The following ARMC9 variants were observed in gnomAD, a reference collection of about 807,000 sequenced individuals.
The protein encoded by ARMC9 is armadillo repeat containing 9.
Under a neutral mutation model 107.0 loss-of-function variants are expected in ARMC9, and 94 were observed. The ratio of observed to expected loss-of-function variants is 0.88; its 90% CI spans 0.74 to 1.04. The LOEUF (loss-of-function observed/expected upper bound fraction) is 1.04, where lower values mean the gene tolerates loss of function less well. ARMC9 is among the 50% of genes least tolerant of loss of function. The pLI, the probability that ARMC9 is intolerant of heterozygous loss-of-function variation, is 0.00. For synonymous variants in ARMC9, 380 were observed against 396.9 expected (o/e 0.96, Z 0.51); for missense variants, 942 against 1,030.1 (o/e 0.91, Z 1.17).
intron 21 of ARMC9, among the ~76,000 whole-genome samples, chr2:231,354,015 A>ACC (rs1430191415): frequency 6.8e-5 from 10 of 147,338 alleles, no homozygotes; most frequent in Non-Finnish European, 8.9e-5. Context: ...ACACACACAC[A>ACC]CCATATATAG....
intron 21 of ARMC9, 168 bp downstream of exon 21, chr2:231,345,258 C>A: frequency 1.6e-6 from 2 of 1,288,606 alleles, no homozygotes; most frequent in South Asian, 1.6e-5. Context: ...GTCCTTCTCC[C>A]TTCCCCCAGG....
chr2:231,372,476 C>A lies in ARMC9; in HGVS notation c.*941C>A, dbSNP rs1445214848. ...AAAGGCCACCAGTGTGACCAGGGAG[C>A]ACCCTCTGCCTCCCTCCCTGCACTG... On this transcript the variant is annotated 3_prime_UTR_variant, in exon 25 of 25. Transcript: ENST00000611582. 2 of 152,250 alleles carry A rather than the reference C, an allele frequency of 1.3e-5. No homozygotes were observed. Among genetic ancestry groups the A allele is most frequent in the African/African-American group, 4.8e-5 (2 of 41,426 alleles). The allele number at this position is 152,250 out of a possible 1,614,324, so 9.4% of individuals were successfully genotyped here.
intron 21 of ARMC9, among the ~76,000 whole-genome samples, chr2:231,351,188 C>T (rs2045062017): frequency 6.7e-6 from 1 of 148,932 alleles, no homozygotes; most frequent in South Asian, 2.2e-4. Context: ...CTCCTGACCT[C>T]GTGATCCGCC....
At chr2:231,329,247 A>G (rs781757396) in intron 19 of ARMC9, among the ~76,000 whole-genome samples, 4 of 152,178 alleles carry the variant, frequency 2.6e-5, no homozygotes, top group Admixed American at 6.5e-5. Flanking sequence ...GGGGAGAACT[A>G]TGTTGAGTCT....
In ARMC9 at chr2:231,281,937, C is replaced by G. The variant is rs370674445; in HGVS notation, c.1552-122C>G. ...ACATACATCCTGGAGCACAGGAGAGCTGCGAGGACGGGAACACCCACTCTC... is the reference window on the plus strand; with the variant it reads ...ACATACATCCTGGAGCACAGGAGAGGTGCGAGGACGGGAACACCCACTCTC... On this transcript the variant is annotated intron_variant, in intron 16 of 24. Transcript: ENST00000611582. The G allele has an allele frequency of 1.1e-5, 9 of 855,176 alleles. No individual in the cohort carries two copies. In the East Asian group the frequency reaches 1.5e-4, roughly 14 times the overall value. 53.0% of individuals were successfully genotyped at this position (855,176 alleles called of 1,614,324 possible). A position where few individuals can be genotyped will look rare whatever the true frequency, so the allele number is the denominator to read the frequency against.
intron 17 of ARMC9, among the ~76,000 whole-genome samples, chr2:231,287,539 T>G (rs2040684228): frequency 6.6e-6 from 1 of 152,124 alleles, no homozygotes; most frequent in Non-Finnish European, 1.5e-5. Context: ...GGCTTTGCTT[T>G]GCTTTGCTTT....
chr2:231,369,874 G>A lies in ARMC9; in HGVS notation c.2262-79G>A, dbSNP rs566563204. On this transcript the variant is annotated intron_variant, in intron 23 of 24. Coordinates refer to ENST00000611582, the MANE Select transcript of ARMC9 (RefSeq NM_001352754.2). ...CTCTCAGAGTGCTGGGATTATAGGC[G>A]GGAGCCACCACACCCGGCCCCTCCT... is the stretch of plus-strand genomic sequence containing the variant. 3.3e-5 allele frequency: 44 copies of A among 1,327,548 alleles called. No homozygotes were observed. The South Asian group carries it at 6.1e-4, about 18-fold the overall frequency. 82.2% of individuals were successfully genotyped at this position (1,327,548 alleles called of 1,614,324 possible). A position where few individuals can be genotyped will look rare whatever the true frequency, so the allele number is the denominator to read the frequency against.
chr2:231,353,856 C>T (rs1183154247), intron 21 of ARMC9, among the ~76,000 whole-genome samples: 1 of 152,042 alleles, frequency 6.6e-6, no homozygotes, highest in Non-Finnish European at 1.5e-5. Context: ...ATCAGAGCCC[C>T]CCAGGACACC....
rs747436135 is a variant in ARMC9, at chr2:231,345,067, C to T, written c.1971C>T (p.Gly657=). The T allele has an allele frequency of 7.4e-6, 12 of 1,613,400 alleles. No individual in the cohort carries two copies. The highest frequency in any genetic ancestry group is 4.4e-5 in the South Asian group (4 of 90,932). The change falls in exon 21 of 25, where the codon GGC becomes GGT. Residue 657 remains glycine (G), a synonymous_variant. Transcript: ENST00000611582. ...DEPLQRPVTP[G]GHRNGYPVVE... Reference sequence around the variant, plus strand: ...CCCTGCAAAGGCCCGTCACCCCCGGCGGCCACAGAAACGGGTACCCAGTGT... The same window carrying T: ...CCCTGCAAAGGCCCGTCACCCCCGGTGGCCACAGAAACGGGTACCCAGTGT...
intron 17 of ARMC9, among the ~76,000 whole-genome samples, 160 bp from the exon 18 acceptor site, chr2:231,291,193 C>T (rs1328775191): frequency 6.6e-6 from 1 of 152,118 alleles, no homozygotes; most frequent in African/African-American, 2.4e-5. Flanking sequence ...TTGTATCTAT[C>T]TCTTAAACAT....
intron 9 of ARMC9, among the ~76,000 whole-genome samples, chr2:231,241,718 G>A (rs1162068519): frequency 6.6e-6 from 1 of 152,092 alleles, no homozygotes; most frequent in Non-Finnish European, 1.5e-5. Flanking sequence ...CGAGAAGGTA[G>A]AAAATAAAAA....
rs1015539741 is a variant in ARMC9, at chr2:231,374,601, A to G, written c.*3066A>G. 6.6e-6 allele frequency: 1 copy of G among 151,962 alleles called. No individual in the cohort carries two copies. Among genetic ancestry groups the G allele is most frequent in the Non-Finnish European group, 1.5e-5 (1 of 68,018 alleles). The allele number at this position is 151,962 out of a possible 1,614,324, so 9.4% of individuals were successfully genotyped here. On this transcript the variant is annotated 3_prime_UTR_variant, in exon 25 of 25. Transcript: ENST00000611582. The stretch of plus-strand genomic sequence containing the variant: ...TAGTTGAACAAATAAGGTTCATGAA[A>G]AAAAAAGAAAAGAAAGAAAAGGTAA...
chr2:231,216,714 C>A lies in ARMC9; in HGVS notation c.425C>A (p.Thr142Asn). The A allele has an allele frequency of 1.9e-6, 3 of 1,613,900 alleles. No homozygotes were observed. The highest frequency in any genetic ancestry group is 2.2e-5 in the South Asian group (2 of 91,070). The change falls in exon 5 of 25, where the codon ACC becomes AAC. Residue 142 changes from threonine to asparagine, a missense_variant. Coordinates refer to ENST00000611582, the MANE Select transcript of ARMC9 (RefSeq NM_001352754.2). The part of the protein sequence containing the change: ...LETKGAALSQ[T>N]TEFLPFYALP... ...ACCAAAGGGGCAGCCTTGAGCCAGA[C>A]CACAGAGTTTCTTCCTTTCTATGCC...
Position 231,222,715 on chromosome 2 carries a change from CT to C in ARMC9, c.505-7del. ...AATCTAATGTTTGTATTTTTGTTCC[CT>C]TTTTTCTTTAGGATTCCTGGACTCC... On this transcript the variant is annotated splice_polypyrimidine_tract_variant and intron_variant, in intron 5 of 24. Transcript: ENST00000611582. The C allele has an allele frequency of 7.0e-7, 1 of 1,434,688 alleles. No homozygotes were observed. Among genetic ancestry groups the C allele is most frequent in the Non-Finnish European group, 9.7e-7 (1 of 1,027,966 alleles). 88.9% of individuals were successfully genotyped at this position (1,434,688 alleles called of 1,614,324 possible). A position where few individuals can be genotyped will look rare whatever the true frequency, so the allele number is the denominator to read the frequency against.
intron 19 of ARMC9, among the ~76,000 whole-genome samples, chr2:231,327,342 C>T (rs373774581): frequency 7.9e-5 from 12 of 152,256 alleles, no homozygotes; most frequent in Admixed American, 2.0e-4. Flanking sequence ...TTACAGCCAC[C>T]GCCATTTCCT....
At chr2:231,339,514 C>T (rs2044360538) in intron 20 of ARMC9, among the ~76,000 whole-genome samples, 1 of 152,076 alleles carries the variant, frequency 6.6e-6, no homozygotes, top group South Asian at 2.1e-4. Flanking sequence ...GCTCACTGCA[C>T]CTCAAACTCC....
chr2:231,248,579 C>A (rs372517748), intron 9 of ARMC9, among the ~76,000 whole-genome samples: 1 of 152,026 alleles, frequency 6.6e-6, no homozygotes, highest in South Asian at 2.1e-4. Flanking sequence ...GAGGCCGAGG[C>A]GGGCGGATCA....
chr2:231,251,243 T>G (rs1267363992), intron 9 of ARMC9, among the ~76,000 whole-genome samples: 1 of 152,152 alleles, frequency 6.6e-6, no homozygotes, highest in Non-Finnish European at 1.5e-5. Flanking sequence ...CTTGGCTCAC[T>G]GCAACCTCCG....
At chr2:231,212,161 T>C (rs1029708699) in intron 3 of ARMC9, among the ~76,000 whole-genome samples, 39 of 152,376 alleles carry the variant, frequency 2.6e-4, no homozygotes, top group South Asian at 1.0e-3. Flanking sequence ...TTGTGAGATA[T>C]AAGAAGCGTG....
Sources: gnomAD v4.1 joint callset for allele counts (sites outside exome capture counted in the v4.1 genomes callset) on GRCh38, gnomAD v4.1.1 for gene constraint, MANE v1.5 for transcripts, NCBI Gene and HGNC (gene_info 2026-07-23, HGNC 2026-07-21) for gene names.